Variants in FOCAD observed in about 807,000 individuals in gnomAD.
FOCAD encodes the protein focadhesin, also known as KIAA1797.
A neutral mutation model predicts 225.6 loss-of-function variants in FOCAD; 198 were observed. The observed-to-expected ratio is 0.88, with a 90% CI of 0.78 to 0.99. The LOEUF is 0.99. Ranked by LOEUF, FOCAD falls within the 50% of genes least tolerant of loss-of-function variation. The probability of loss-of-function intolerance (pLI) is 0.00; values close to 1 mark genes in which losing one functional copy is unlikely to be tolerated. For synonymous variants in FOCAD, 897 were observed against 755.0 expected (o/e 1.19, Z -3.08); for missense variants, 2,713 against 2,123.6 (o/e 1.28, Z -5.46).
Position 20,739,602 on chromosome 9 carries a change from TAA to T in FOCAD, c.288-619_288-618del, listed in dbSNP as rs77597569. ...TGGGCAACAAGAGTGAAACTCCATC[TAA>T]AAAAAAAAAAAAAATTACTTTTTAA... On this transcript the variant is annotated intron_variant, in intron 4 of 43. Coordinates refer to ENST00000338382, the MANE Select transcript of FOCAD (RefSeq NM_001375567.1). Among the ~76,000 whole-genome samples, 53 of 139,932 alleles carry T rather than the reference TAA, an allele frequency of 3.8e-4. 1 individual carries two copies. The highest frequency in any genetic ancestry group is 4.1e-4 in the East Asian group (2 of 4,876). 91.8% of individuals were successfully genotyped at this position (139,932 alleles called of 152,430 possible).
intron 15 of FOCAD, among the ~76,000 whole-genome samples, chr9:20,838,998 A>G (rs1160375196): frequency 6.6e-6 from 1 of 152,136 alleles, no homozygotes; most frequent in African/African-American, 2.4e-5. Flanking sequence ...TACAGTAGCC[A>G]GGTATTCTGA....
chr9:20,798,168 G>T (rs531505738), intron 11 of FOCAD, among the ~76,000 whole-genome samples: 1 of 152,264 alleles, frequency 6.6e-6, no homozygotes, highest in East Asian at 1.9e-4. Flanking sequence ...TGCGTATGTT[G>T]AACCAGCCTT....
At chr9:20,805,621 T>A (rs918827545) in intron 11 of FOCAD, among the ~76,000 whole-genome samples, 1 of 152,188 alleles carries the variant, frequency 6.6e-6, no homozygotes, top group African/African-American at 2.4e-5. Flanking sequence ...TTTCTTATTT[T>A]ATTGCCCAAA....
intron 6 of FOCAD, among the ~76,000 whole-genome samples, chr9:20,761,200 C>T (rs1383751576): frequency 6.6e-6 from 1 of 152,070 alleles, no homozygotes; most frequent in African/African-American, 2.4e-5. Context: ...TTAAGTTCTG[C>T]ATTCATTTAT....
intron 3 of FOCAD, among the ~76,000 whole-genome samples, chr9:20,719,419 G>C (rs2131537583): frequency 1.3e-5 from 2 of 152,182 alleles, no homozygotes; most frequent in Middle Eastern, 6.8e-3. Context: ...TATTCTTTGG[G>C]AGCCGGGATA....
At chr9:20,900,531 G>A (rs2131974644) in intron 21 of FOCAD, among the ~76,000 whole-genome samples, 1 of 151,820 alleles carries the variant, frequency 6.6e-6, no homozygotes, top group Non-Finnish European at 1.5e-5. Context: ...TATAAGAAGT[G>A]TATTTGCCTT....
At chr9:20,821,643 C>G (rs1824334952) in intron 14 of FOCAD, among the ~76,000 whole-genome samples, 1 of 151,970 alleles carries the variant, frequency 6.6e-6, no homozygotes, top group Non-Finnish European at 1.5e-5. Context: ...TGAAATAATA[C>G]AAGTCAAGCT....
chr9:20,784,638 G>A (rs1386845179), intron 10 of FOCAD, among the ~76,000 whole-genome samples: 1 of 152,144 alleles, frequency 6.6e-6, no homozygotes, highest in African/African-American at 2.4e-5. Context: ...CTGAGCTGGG[G>A]TCTACCATGT....
intron 1 of FOCAD, among the ~76,000 whole-genome samples, chr9:20,687,421 T>G (rs1268652148): frequency 6.6e-6 from 1 of 152,206 alleles, no homozygotes; most frequent in Non-Finnish European, 1.5e-5. Context: ...TGTAGTTTTA[T>G]GAAGTTTTTT....
At chr9:20,960,173 A>G (rs937785578) in intron 35 of FOCAD, among the ~76,000 whole-genome samples, 2 of 152,178 alleles carry the variant, frequency 1.3e-5, no homozygotes, top group African/African-American at 2.4e-5. Context: ...CTTGACTTTA[A>G]CGAGTTTTAA....
chr9:20,886,665 C>A (rs1263333934), intron 21 of FOCAD, among the ~76,000 whole-genome samples: 1 of 152,058 alleles, frequency 6.6e-6, no homozygotes, highest in South Asian at 2.1e-4. Flanking sequence ...AAAATAACAT[C>A]ATTGTTTTAG....
At chr9:20,759,253 A>C (rs1310024099) in intron 6 of FOCAD, among the ~76,000 whole-genome samples, 2 of 152,206 alleles carry the variant, frequency 1.3e-5, no homozygotes, top group African/African-American at 4.8e-5. Flanking sequence ...CGCATTGCCA[A>C]GTCAATCCTA....
chr9:20,712,730 C>CTT (rs71334550), intron 1 of FOCAD, among the ~76,000 whole-genome samples: 37,875 of 93,242 alleles, frequency 0.41, 9,200 homozygotes, highest in African/African-American at 0.42. Flanking sequence ...CTCCTATATT[C>CTT]TTTTTTTTTT....
chr9:20,771,043 A>G (rs1818169420), intron 8 of FOCAD, among the ~76,000 whole-genome samples: 1 of 152,222 alleles, frequency 6.6e-6, no homozygotes, highest in Non-Finnish European at 1.5e-5. Context: ...TAATGGGAGA[A>G]CAAGTTTCAG....
intron 15 of FOCAD, among the ~76,000 whole-genome samples, chr9:20,824,808 A>G (rs1174364310): frequency 6.6e-6 from 1 of 152,098 alleles, no homozygotes; most frequent in Non-Finnish European, 1.5e-5. Flanking sequence ...AGTTCATTTT[A>G]TTAGAAAAAG....
chr9:20,872,865 C>T (rs1299340329), intron 18 of FOCAD: 1 of 152,086 alleles, frequency 6.6e-6, no homozygotes, highest in Non-Finnish European at 1.5e-5. Context: ...TGCTTTCTGC[C>T]TCTGTAAGTT....
intron 2 of FOCAD, among the ~76,000 whole-genome samples, chr9:20,717,543 T>C (rs1825434343): frequency 6.6e-6 from 1 of 152,238 alleles, no homozygotes; most frequent in African/African-American, 2.4e-5. Flanking sequence ...TCTGGCAGTT[T>C]TCTTAACCTC....
chr9:20,947,602 C>T (rs1401924819), intron 30 of FOCAD, among the ~76,000 whole-genome samples: 1 of 151,974 alleles, frequency 6.6e-6, no homozygotes, highest in Non-Finnish European at 1.5e-5. Flanking sequence ...TATGAGTGTA[C>T]TTAATGCCGC....
At position 20,912,933 on chromosome 9, in the gene FOCAD, A is replaced by G. The variant is rs1833557249; in HGVS notation, c.2786A>G (p.Lys929Arg). 6.2e-7 allele frequency: 1 copy of G among 1,613,078 alleles called. No homozygotes were observed. Among genetic ancestry groups the G allele is most frequent in the Non-Finnish European group, 8.5e-7 (1 of 1,179,450 alleles). Residue 929 changes from lysine (K) to arginine (R), a missense_variant, in exon 23 of 44, where the codon AAA (lysine) becomes AGA (arginine). Lys to Arg is a conservative substitution (Grantham distance 26). Transcript: ENST00000338382. ...GKEEPEEVQYKKSTAWLWVRD... is the reference protein window; with the variant it reads ...GKEEPEEVQYRKSTAWLWVRD... ...GAAGAACCTGAGGAGGTGCAGTACAAAAAAAGCACAGCCTGGCTCTGGTAA... is the reference window on the plus strand; with the variant it reads ...GAAGAACCTGAGGAGGTGCAGTACAGAAAAAGCACAGCCTGGCTCTGGTAA...
Sources: gnomAD v4.1 joint callset for allele counts (sites outside exome capture counted in the v4.1 genomes callset) on GRCh38, gnomAD v4.1.1 for gene constraint, MANE v1.5 for transcripts, NCBI Gene and HGNC (gene_info 2026-07-23, HGNC 2026-07-21) for gene names.